The following BCL11B variants were observed in gnomAD, a reference collection of about 807,000 sequenced individuals.
BCL11B encodes BCL11 transcription factor B, also known as B-cell lymphoma/leukemia 11B.
A neutral mutation model predicts 49.9 loss-of-function variants in BCL11B; 8 were observed. The ratio of observed to expected loss-of-function variants is 0.16; its 90% confidence interval spans 0.09 to 0.29. The LOEUF is 0.29. Ranked by LOEUF, BCL11B falls within the 10% of genes least tolerant of loss-of-function variation. The probability of loss-of-function intolerance (pLI) is 1.00; values close to 1 mark genes in which losing one functional copy is unlikely to be tolerated. For missense variants in BCL11B, 1,006 were observed against 1,351.0 expected (o/e 0.74, Z 4.00); for synonymous variants, 739 against 637.4 (o/e 1.16, Z -2.40).
At chr14:99,267,678 C>T (rs893714246) in intron 1 of BCL11B, among the ~76,000 whole-genome samples, 6 of 152,138 alleles carry the variant, frequency 3.9e-5, no homozygotes, top group Admixed American at 6.5e-5. Context: ...TAATTGTGAG[C>T]ACCGCTGCCT....
Position 99,172,109 on chromosome 14 carries a change from G to A in BCL11B, c.*2042C>T, listed in dbSNP as rs1886309998. On this transcript the variant is annotated 3_prime_UTR_variant, in exon 4 of 4. Transcript: ENST00000357195. Reference sequence around the variant, plus strand: ...TTTACCCTTGTATGTACCCAATACTGTAAACGTATTTTTAAGACAGAGTGC... The same window carrying A: ...TTTACCCTTGTATGTACCCAATACTATAAACGTATTTTTAAGACAGAGTGC... 9.1e-6 allele frequency: 2 copies of A among 219,614 alleles called. No homozygotes were observed. Among genetic ancestry groups the A allele is most frequent in the East Asian group, 6.7e-5 (1 of 14,980 alleles). The allele number at this position is 219,614 out of a possible 1,614,324, so 13.6% of individuals were successfully genotyped here. A position where few individuals can be genotyped will look rare whatever the true frequency, so the allele number is the denominator to read the frequency against.
chr14:99,257,780 C>T lies in BCL11B; in HGVS notation c.118G>A (p.Glu40Lys). The change falls in exon 2 of 4, where the codon GAG becomes AAG. Residue 40 changes from glutamate (E) to lysine (K), a missense_variant. Transcript: ENST00000357195. The surrounding 1 kb of genome is among the most constrained non-coding windows in gnomAD (Gnocchi z 6.2). ...LEEDEGLEIE[E>K]PSGLGLMVGG... ...ACCATCAGCCCCAGGCCACTTGGCTCCTCTATCTCCAGACCCTCGTCTTCT... is the reference window on the plus strand; with the variant it reads ...ACCATCAGCCCCAGGCCACTTGGCTTCTCTATCTCCAGACCCTCGTCTTCT... The T allele has an allele frequency of 1.3e-6, 2 of 1,593,196 alleles. No individual in the cohort carries two copies. The highest frequency in any genetic ancestry group is 8.6e-7 in the Non-Finnish European group (1 of 1,167,232).
rs1887073948 is a variant in BCL11B, at chr14:99,192,880, AAT to A, written c.641-16687_641-16686del. 1.3e-5 allele frequency among the ~76,000 whole-genome samples: 2 copies of A among 152,118 alleles called. No individual in the cohort carries two copies. The highest frequency in any genetic ancestry group is 6.5e-5 in the Admixed American group (1 of 15,276). On this transcript the variant is annotated intron_variant, in intron 3 of 3. Coordinates refer to ENST00000357195, the MANE Select transcript of BCL11B (RefSeq NM_138576.4). This position sits in a 1 kb window ranked among gnomAD's most constrained non-coding sequence, Gnocchi z 4.0. ...CAAAATGTAAATGAGTGAATGAATG[AAT>A]GAATGAATGAATGAGTGAATGAATG...
chr14:99,257,953 T>C lies in BCL11B; in HGVS notation c.59-114A>G. Reference sequence around the variant, plus strand: ...CCCGCCAAGAAGCAGCCCCCTCTGCTGCTGGCTGCCAGAGCTCACCAGGTC... The same window carrying C: ...CCCGCCAAGAAGCAGCCCCCTCTGCCGCTGGCTGCCAGAGCTCACCAGGTC... On this transcript the variant is annotated intron_variant, in intron 1 of 3. Transcript: ENST00000357195. This position sits in a 1 kb window ranked among gnomAD's most constrained non-coding sequence, Gnocchi z 6.2. The C allele has an allele frequency of 1.5e-6, 2 of 1,302,902 alleles. No homozygotes were observed. Among genetic ancestry groups the C allele is most frequent in the Non-Finnish European group, 2.0e-6 (2 of 994,570 alleles). The allele number at this position is 1,302,902 out of a possible 1,614,324, so 80.7% of individuals were successfully genotyped here.
Position 99,170,401 on chromosome 14 carries a change from C to A in BCL11B, c.*3750G>T, listed in dbSNP as rs1421192526. The A allele has an allele frequency of 4.5e-6, 1 of 223,960 alleles. No homozygotes were observed. The highest frequency in any genetic ancestry group is 8.9e-6 in the Non-Finnish European group (1 of 112,240). 13.9% of individuals were successfully genotyped at this position (223,960 alleles called of 1,614,324 possible). A position where few individuals can be genotyped will look rare whatever the true frequency, so the allele number is the denominator to read the frequency against. On this transcript the variant is annotated 3_prime_UTR_variant, in exon 4 of 4. Coordinates refer to ENST00000357195, the MANE Select transcript of BCL11B (RefSeq NM_138576.4). ...CTGAAATAATGGTTTCTTACATTTC[C>A]TGAAATAAAAAATGGCTTCCTGATA...
intron 3 of BCL11B, among the ~76,000 whole-genome samples, chr14:99,198,966 C>T (rs1195751556): frequency 6.6e-6 from 1 of 152,150 alleles, no homozygotes; most frequent in Non-Finnish European, 1.5e-5. Context: ...TCAGACTCCC[C>T]GGACACCACT....
At position 99,174,924 on chromosome 14, in the gene BCL11B, C is replaced by A; in HGVS notation, c.1912G>T (p.Asp638Tyr). ...AGGGDAGDDD[D>Y]AGGCGDAGAG... ...CCCGCGTCCCCGCAGCCGCCCGCGT[C>A]GTCGTCGTCGCCCGCGTCCCCGCCG... is the stretch of plus-strand genomic sequence containing the variant. Residue 638 changes from aspartate to tyrosine, a missense_variant, in exon 4 of 4, where the codon GAC (aspartate) becomes TAC (tyrosine). Around this residue, in one of 6 missense-constraint regions of BCL11B, gnomAD observed 443 missense variants for 499.7 expected, o/e 0.89. Transcript: ENST00000357195. 1 of 1,261,308 alleles carries A rather than the reference C, an allele frequency of 7.9e-7. No homozygotes were observed. The highest frequency in any genetic ancestry group is 1.0e-6 in the Non-Finnish European group (1 of 994,914). 78.1% of individuals were successfully genotyped at this position (1,261,308 alleles called of 1,614,324 possible).
chr14:99,219,367 A>G (rs967343880), intron 3 of BCL11B, among the ~76,000 whole-genome samples: 1 of 152,182 alleles, frequency 6.6e-6, no homozygotes, highest in African/African-American at 2.4e-5. Flanking sequence ...TAGGCTACCC[A>G]GTCTGTGCCC....
At chr14:99,223,975 G>A (rs1456078066) in intron 3 of BCL11B, among the ~76,000 whole-genome samples, 4 of 152,340 alleles carry the variant, frequency 2.6e-5, no homozygotes, top group East Asian at 1.9e-4. Flanking sequence ...CATCCACTGA[G>A]TGAGAAGGCC....
chr14:99,218,232 A>ATTTTT (rs34932370), intron 3 of BCL11B, among the ~76,000 whole-genome samples: 11,402 of 112,278 alleles, frequency 0.1, 733 homozygotes, highest in Non-Finnish European at 0.15. Context: ...TGCCTGGCTA[A>ATTTTT]TTTTTTTTTT....
At chr14:99,185,294 G>C (rs181275451) in intron 3 of BCL11B, among the ~76,000 whole-genome samples, 5 of 152,116 alleles carry the variant, frequency 3.3e-5, no homozygotes, top group Admixed American at 2.0e-4. Flanking sequence ...AAAATTAGCT[G>C]GGCATGGTGG....
intron 2 of BCL11B, among the ~76,000 whole-genome samples, chr14:99,255,235 T>A (rs904522328): frequency 6.6e-6 from 1 of 152,116 alleles, no homozygotes; most frequent in African/African-American, 2.4e-5. Flanking sequence ...TAAAATAACA[T>A]TTTAAATGCT....
At chr14:99,239,935 A>G (rs1213090323) in intron 2 of BCL11B, among the ~76,000 whole-genome samples, 1 of 152,210 alleles carries the variant, frequency 6.6e-6, no homozygotes, top group Non-Finnish European at 1.5e-5. Context: ...GAACATAAAG[A>G]AAACGGAGTG....
At chr14:99,270,215 T>G (rs1456793023) in intron 1 of BCL11B, among the ~76,000 whole-genome samples, 1 of 152,142 alleles carries the variant, frequency 6.6e-6, no homozygotes, top group Non-Finnish European at 1.5e-5. Flanking sequence ...CCGGTGGATT[T>G]CCACTGCGAC....
intron 1 of BCL11B, chr14:99,264,823 C>T (rs1889435097): frequency 2.0e-5 from 3 of 152,166 alleles, no homozygotes; most frequent in Non-Finnish European, 4.4e-5. Flanking sequence ...CTTCTCTTTC[C>T]ACGCGTCTCC....
At chr14:99,245,582 G>C (rs1888801593) in intron 2 of BCL11B, among the ~76,000 whole-genome samples, 2 of 152,232 alleles carry the variant, frequency 1.3e-5, no homozygotes, top group African/African-American at 4.8e-5. Flanking sequence ...TGAGGAAGAC[G>C]GCGCCACTCA....
At chr14:99,207,685 C>T (rs1425195614) in intron 3 of BCL11B, among the ~76,000 whole-genome samples, 1 of 152,204 alleles carries the variant, frequency 6.6e-6, no homozygotes, top group Admixed American at 6.5e-5. Context: ...CAAGTGCTGC[C>T]TGGGGGAGCT....
At position 99,261,096 on chromosome 14, in the gene BCL11B, T is replaced by G. The variant is rs1026818820; in HGVS notation, c.59-3257A>C. On this transcript the variant is annotated intron_variant, in intron 1 of 3. Transcript: ENST00000357195. ...CTCCCCACCACCCAGGCTGTGGCGC[T>G]GTGCCTTGGCCTGCTGTGTGCGACA... Among the ~76,000 whole-genome samples, 9 of 152,244 alleles carry G rather than the reference T, an allele frequency of 5.9e-5. 2 individuals are homozygous for G. In the South Asian group the frequency reaches 6.2e-4, roughly 10 times the overall value.
rs996345404 is a variant in BCL11B, at chr14:99,192,394, C to T, written c.641-16199G>A. Among the ~76,000 whole-genome samples, 7 of 152,164 alleles carry T rather than the reference C, an allele frequency of 4.6e-5. No homozygotes were observed. The highest frequency in any genetic ancestry group is 1.4e-4 in the African/African-American group (6 of 41,434). On this transcript the variant is annotated intron_variant, in intron 3 of 3. Transcript: ENST00000357195. This position sits in a 1 kb window ranked among gnomAD's most constrained non-coding sequence, Gnocchi z 4.0. ...AGAGCAGGGCTTTCGGGGCCCCGCT[C>T]GCCACAATAGGGACTGTAAACTGGG...
Sources: gnomAD v4.1 joint callset for allele counts (sites outside exome capture counted in the v4.1 genomes callset) on GRCh38, gnomAD v4.1.1 for gene constraint, gnomAD v4.1.1 regional missense constraint, Gnocchi (gnomAD v3.1) non-coding constraint, MANE v1.5 for transcripts, NCBI Gene and HGNC (gene_info 2026-07-23, HGNC 2026-07-21) for gene names.